Variants in SH3BP1 observed in about 807,000 individuals in gnomAD.
SH3BP1 encodes the protein SH3 domain-binding protein 1.
SH3BP1 carries 46 observed loss-of-function variants against 69.8 expected under a neutral mutation model. That is an observed-to-expected ratio of 0.66 (90% CI 0.52 to 0.84). The LOEUF (loss-of-function observed/expected upper bound fraction) is 0.84. SH3BP1 is among the 40% of genes least tolerant of loss of function. The probability of loss-of-function intolerance (pLI) is 0.00; values close to 1 mark genes in which losing one functional copy is unlikely to be tolerated. For missense variants in SH3BP1, 868 were observed against 930.9 expected (o/e 0.93, Z 0.88); for synonymous variants, 403 against 378.0 (o/e 1.07, Z -0.77).
intron 6 of SH3BP1, 166 bp downstream of exon 6, chr22:37,643,340 C>A: frequency 1.4e-6 from 1 of 700,454 alleles, no homozygotes; most frequent in Non-Finnish European, 2.4e-6. Flanking sequence ...GTTAGCGTAT[C>A]TGTGAGGGTG....
Position 37,655,453 on chromosome 22 carries a change from CACA to C in SH3BP1, c.1876_1878del (p.Thr626del). The C allele has an allele frequency of 1.2e-5, 16 of 1,317,152 alleles. No homozygotes were observed. Among genetic ancestry groups the C allele is most frequent in the Admixed American group, 6.6e-5 (3 of 45,340 alleles). 81.6% of individuals were successfully genotyped at this position (1,317,152 alleles called of 1,614,324 possible). A position where few individuals can be genotyped will look rare whatever the true frequency, so the allele number is the denominator to read the frequency against. ...CCACAGTGCCACCCCCGTTACCCCC[CACA>C]CCCCCTCAGCCTGCCCGGCGCCAAA... On this transcript the variant is annotated inframe_deletion, in exon 18 of 18. Coordinates refer to ENST00000649765, the MANE Select transcript of SH3BP1 (RefSeq NM_018957.6).
intron 1 of SH3BP1, 127 bp from the exon 2 acceptor site, chr22:37,640,999 A>G (rs1289822915): frequency 2.8e-6 from 2 of 708,818 alleles, no homozygotes; most frequent in South Asian, 1.6e-5. Flanking sequence ...GGCAGGCCTC[A>G]GCTGGGAGGG....
Position 37,655,352 on chromosome 22 carries a change from T to G in SH3BP1, c.1774T>G (p.Leu592Val). Residue 592 changes from leucine to valine, a missense_variant, in exon 18 of 18, where the codon TTG becomes GTG. By Grantham distance (32) the Leu-to-Val change is conservative. Around this residue, in one of 3 missense-constraint regions of SH3BP1, gnomAD observed 474 missense variants for 462.3 expected, o/e 1.03. Coordinates refer to ENST00000649765, the MANE Select transcript of SH3BP1 (RefSeq NM_018957.6). ...CCGCTCCTCCCCTCCAGCCCCGCCCTTGCCCCCTGGCTCTGGCAGCCCTGG... is the reference window on the plus strand; with the variant it reads ...CCGCTCCTCCCCTCCAGCCCCGCCCGTGCCCCCTGGCTCTGGCAGCCCTGG... The part of the protein sequence containing the change: ...GSRSSPPAPP[L>V]PPGSGSPGTP... 1.1e-6 allele frequency: 1 copy of G among 891,510 alleles called. No homozygotes were observed. The highest frequency in any genetic ancestry group is 1.4e-6 in the Non-Finnish European group (1 of 734,714). The allele number at this position is 891,510 out of a possible 1,614,324, so 55.2% of individuals were successfully genotyped here.
Position 37,646,848 on chromosome 22 carries a change from G to T in SH3BP1, c.955G>T (p.Val319Leu). ...GLFRLAAGAS[V>L]LKRLKQTMAS... ...CTTCCGTCTGGCTGCTGGGGCCTCGGTGCTGAAGCGTCTCAAGCAGACAAT... is the reference window on the plus strand; with the variant it reads ...CTTCCGTCTGGCTGCTGGGGCCTCGTTGCTGAAGCGTCTCAAGCAGACAAT... Residue 319 changes from valine to leucine, a missense_variant, in exon 11 of 18, where the codon GTG becomes TTG. Val to Leu is a conservative substitution (Grantham distance 32). Transcript: ENST00000649765. 6.4e-7 allele frequency: 1 copy of T among 1,558,946 alleles called. No homozygotes were observed.
At chr22:37,655,038 C>T (rs1012354707) in intron 17 of SH3BP1, among the ~76,000 whole-genome samples, 6 of 140,572 alleles carry the variant, frequency 4.3e-5, no homozygotes, top group East Asian at 2.4e-4. Context: ...GAAAATGTGA[C>T]GGAGCAGCTG....
chr22:37,648,238 C>T, intron 13 of SH3BP1, 81 bp from the exon 14 acceptor site: 2 of 978,666 alleles, frequency 2.0e-6, no homozygotes, highest in Non-Finnish European at 3.2e-6. Flanking sequence ...GTGTCTTTCA[C>T]ACTCTTTGGA....
intron 10 of SH3BP1, 80 bp downstream of exon 10, chr22:37,645,590 G>T (rs941820267): frequency 4.0e-6 from 6 of 1,496,690 alleles, no homozygotes; most frequent in African/African-American, 1.4e-5. Context: ...TGCCCTTTCC[G>T]GGTGCCTGTA....
intron 13 of SH3BP1, 42 bp from the exon 14 acceptor site, chr22:37,648,277 G>C (rs1417211042): frequency 7.4e-7 from 1 of 1,357,798 alleles, no homozygotes; most frequent in Admixed American, 1.9e-5. Context: ...TCTCAGGGCT[G>C]GGTGCGTTCT....
At position 37,655,881 on chromosome 22, in the gene SH3BP1, C is replaced by A. The variant is rs575510475; in HGVS notation, c.*197C>A. 7.1e-6 allele frequency: 11 copies of A among 1,548,826 alleles called. No individual in the cohort carries two copies. The highest frequency in any genetic ancestry group is 9.5e-6 in the Non-Finnish European group (11 of 1,154,762). ...ATTTCCTGACCTTTTCCTCGTCCAC[C>A]CTGGGCTTGGGGACCCCCCCACCGG... On this transcript the variant is annotated 3_prime_UTR_variant, in exon 18 of 18. Coordinates refer to ENST00000649765, the MANE Select transcript of SH3BP1 (RefSeq NM_018957.6).
At position 37,644,504 on chromosome 22, in the gene SH3BP1, A is replaced by G. The variant is rs1601582935; in HGVS notation, c.619-133A>G. On this transcript the variant is annotated intron_variant, in intron 7 of 17. Coordinates refer to ENST00000649765, the MANE Select transcript of SH3BP1 (RefSeq NM_018957.6). ...GCCCCAAGCACCAACCTTGGCAGAG[A>G]GAGGAGCCTGGCTGGGACCTTCCAC... The G allele has an allele frequency of 5.8e-6, 5 of 865,340 alleles. No homozygotes were observed. In the East Asian group the frequency reaches 1.2e-4, roughly 21 times the overall value. The allele number at this position is 865,340 out of a possible 1,614,324, so 53.6% of individuals were successfully genotyped here.
chr22:37,641,542 G>C, intron 3 of SH3BP1, 64 bp downstream of exon 3: 1 of 1,363,192 alleles, frequency 7.3e-7, no homozygotes, highest in Non-Finnish European at 1.0e-6. Flanking sequence ...GGGGAAGCAA[G>C]GTCGGGGCTG....
Position 37,643,649 on chromosome 22 carries a change from G to C in SH3BP1, c.479G>C (p.Ser160Thr), listed in dbSNP as rs749010616. 2 of 1,614,182 alleles carry C rather than the reference G, an allele frequency of 1.2e-6. No individual in the cohort carries two copies. Among genetic ancestry groups the C allele is most frequent in the Non-Finnish European group, 1.7e-6 (2 of 1,180,046 alleles). ...CACCTTGGGATCATCTCCAGGCTCA[G>C]TCAGGCAACCAAGAATTCAGGCAGC... ...SDWNTLKSRL[S>T]QATKNSGSSQ... The change falls in exon 7 of 18, where the codon AGT becomes ACT. Residue 160 changes from serine to threonine, a missense_variant. Physicochemically the swap from Ser to Thr is moderately conservative, Grantham distance 58 (BLOSUM62 1). This residue lies in a region of SH3BP1 where 387 missense variants were observed against 447.9 expected (regional missense o/e 0.86). Transcript: ENST00000649765.
intron 16 of SH3BP1, among the ~76,000 whole-genome samples, chr22:37,651,300 C>G (rs1394704811): frequency 4.0e-5 from 6 of 151,148 alleles, no homozygotes; most frequent in Non-Finnish European, 8.8e-5. Context: ...CCTGAAAGTG[C>G]TGGGATTACA....
In SH3BP1 at chr22:37,650,739, G is replaced by A. The variant is rs765114965; in HGVS notation, c.1598+14G>A. 1.3e-6 allele frequency: 2 copies of A among 1,587,030 alleles called. No homozygotes were observed. Among genetic ancestry groups the A allele is most frequent in the South Asian group, 2.3e-5 (2 of 87,646 alleles). On this transcript the variant is annotated intron_variant, in intron 16 of 17. Transcript: ENST00000649765. ...TACCAAGGAAAGGTGAGGACTGAGG[G>A]GCTTGAATGGCTCCTGTGGTACTCC...
chr22:37,646,310 G>A (rs9610824), intron 10 of SH3BP1, among the ~76,000 whole-genome samples: 1 of 147,704 alleles, frequency 6.8e-6, no homozygotes, highest in Non-Finnish European at 1.5e-5. Flanking sequence ...CCAGGCTGTA[G>A]TGCAGTGGTG....
chr22:37,640,652 C>T (rs1287530511), intron 1 of SH3BP1: 1 of 176,754 alleles, frequency 5.7e-6, no homozygotes, highest in African/African-American at 2.4e-5. Context: ...CCCCATGTGT[C>T]CCCAGGTGGG....
chr22:37,650,274 C>A (rs751501969), intron 15 of SH3BP1, 25 bp downstream of exon 15: 2 of 1,577,466 alleles, frequency 1.3e-6, no homozygotes, highest in African/African-American at 1.3e-5. Flanking sequence ...TGCATGGACG[C>A]CCTGCTGGGT....
intron 17 of SH3BP1, 126 bp downstream of exon 17, chr22:37,653,999 A>G: frequency 1.5e-6 from 1 of 688,276 alleles, no homozygotes; most frequent in Non-Finnish European, 2.5e-6. Flanking sequence ...TAAAGAGCCC[A>G]GGTCTTGCCA....
At chr22:37,653,069 G>A (rs996003725) in intron 16 of SH3BP1, among the ~76,000 whole-genome samples, 1 of 149,164 alleles carries the variant, frequency 6.7e-6, no homozygotes, top group Admixed American at 6.7e-5. Context: ...CCCAGGAGGC[G>A]GAGGTCACAG....
Sources: allele counts gnomAD v4.1 joint callset (sites outside exome capture counted in the v4.1 genomes callset), GRCh38; gene constraint gnomAD v4.1.1; regional missense constraint gnomAD v4.1.1; transcripts MANE v1.5; gene names NCBI Gene and HGNC (gene_info 2026-07-23, HGNC 2026-07-21).